The following XIRP2 variants were observed in gnomAD, a reference collection of about 807,000 sequenced individuals.
XIRP2 encodes xin actin-binding repeat-containing protein 2.
A neutral mutation model predicts 277.0 loss-of-function variants in XIRP2; 236 were observed. The observed-to-expected ratio is 0.85, with a 90% CI of 0.77 to 0.95. The LOEUF is 0.95. XIRP2 is among the 40% of genes least tolerant of loss of function. The pLI, the probability that XIRP2 is intolerant of heterozygous loss-of-function variation, is 0.00. For missense variants in XIRP2, 4,640 were observed against 4,157.5 expected, an observed-to-expected ratio of 1.12 and a Z score of -3.19; for synonymous variants, 1,490 against 1,416.5, an observed-to-expected ratio of 1.05 and a Z score of -1.17.
rs189408574 is a variant in XIRP2 at position 167,232,023 on chromosome 2, C to T, written c.859-7832C>T. On this transcript the variant is annotated intron_variant, in intron 5 of 10. Transcript: ENST00000409195. ...TGGAGATTTCTTGAGATACACTCTCCACCCCTGCCACCCATTGCCTCTTCA... is the reference window on the plus strand; with the variant it reads ...TGGAGATTTCTTGAGATACACTCTCTACCCCTGCCACCCATTGCCTCTTCA... 3.0e-3 allele frequency among the ~76,000 whole-genome samples: 454 copies of T among 152,056 alleles called. 2 individuals carry two copies. The highest frequency in any genetic ancestry group is 0.01 in the African/African-American group (421 of 41,520).
intron 2 of XIRP2, among the ~76,000 whole-genome samples, chr2:166,958,492 G>C (rs1047087194): frequency 1.3e-5 from 2 of 151,716 alleles, no homozygotes; most frequent in Non-Finnish European, 2.9e-5. Flanking sequence ...GGGGTTTGGA[G>C]CCCTAGTACC....
chr2:166,976,604 G>C (rs904820461), intron 2 of XIRP2, among the ~76,000 whole-genome samples: 4 of 152,000 alleles, frequency 2.6e-5, no homozygotes, highest in African/African-American at 4.8e-5. Context: ...CTTCACAAAC[G>C]TAAGAGCCTT....
chr2:166,949,996 A>G (rs1685985167), intron 2 of XIRP2, among the ~76,000 whole-genome samples: 1 of 152,064 alleles, frequency 6.6e-6, no homozygotes, highest in Admixed American at 6.6e-5. Context: ...AATGAGCAGA[A>G]ACTGAACAAC....
At chr2:167,021,611 G>T (rs1687984492) in intron 2 of XIRP2, among the ~76,000 whole-genome samples, 1 of 152,024 alleles carries the variant, frequency 6.6e-6, no homozygotes, top group Non-Finnish European at 1.5e-5. Flanking sequence ...CACTTTGGGA[G>T]GCTGAGGCAG....
intron 2 of XIRP2, among the ~76,000 whole-genome samples, chr2:166,973,075 C>T (rs186324366): frequency 1.8e-4 from 28 of 152,162 alleles, no homozygotes; most frequent in Admixed American, 1.8e-3. Context: ...TGGCTTGAAT[C>T]GTTGCTTCAT....
intron 3 of XIRP2, among the ~76,000 whole-genome samples, chr2:167,141,666 C>G (rs539746973): frequency 2.0e-4 from 31 of 152,038 alleles, no homozygotes; most frequent in African/African-American, 7.0e-4. Context: ...AGTTCAAGAC[C>G]AGCTTGGGCA....
intron 2 of XIRP2, among the ~76,000 whole-genome samples, chr2:166,914,737 G>GT (rs968264532): frequency 1.3e-5 from 2 of 152,094 alleles, no homozygotes; most frequent in African/African-American, 4.8e-5. Context: ...TTTAAACATT[G>GT]TTTAAAAATG....
intron 2 of XIRP2, among the ~76,000 whole-genome samples, chr2:166,938,729 T>G (rs1685596749): frequency 6.6e-6 from 1 of 152,220 alleles, no homozygotes; most frequent in Non-Finnish European, 1.5e-5. Context: ...TGTGGGAGTC[T>G]AAGTCTCTTT....
chr2:166,908,864 T>G (rs1304878166), intron 2 of XIRP2, among the ~76,000 whole-genome samples: 3 of 152,230 alleles, frequency 2.0e-5, no homozygotes, highest in African/African-American at 7.2e-5. Context: ...CACCATTTAT[T>G]AAATAGGGAA....
At chr2:167,090,258 T>C (rs1690101602) in intron 2 of XIRP2, among the ~76,000 whole-genome samples, 1 of 152,114 alleles carries the variant, frequency 6.6e-6, no homozygotes, top group Admixed American at 6.6e-5. Context: ...TGCAAAGATT[T>C]TAGGGTACTT....
At chr2:167,082,135 C>T (rs1188172568) in intron 2 of XIRP2, among the ~76,000 whole-genome samples, 3 of 149,674 alleles carry the variant, frequency 2.0e-5, no homozygotes, top group South Asian at 2.2e-4. Flanking sequence ...GTGATATTCC[C>T]CTTCCTGTGT....
At chr2:167,188,318 G>A (rs1436764053) in intron 3 of XIRP2, among the ~76,000 whole-genome samples, 3 of 152,174 alleles carry the variant, frequency 2.0e-5, no homozygotes, top group Non-Finnish European at 4.4e-5. Context: ...TGGAAGAGAC[G>A]TGATAACAGA....
At chr2:167,136,356 A>C (rs766783884) in intron 3 of XIRP2, among the ~76,000 whole-genome samples, 1 of 152,156 alleles carries the variant, frequency 6.6e-6, no homozygotes, top group East Asian at 1.9e-4. Context: ...CCATAATCTG[A>C]CTTTAACTTT....
chr2:167,193,879 C>CAAAAAAAAAA (rs767047580), intron 3 of XIRP2, among the ~76,000 whole-genome samples: 1 of 71,798 alleles, frequency 1.4e-5, no homozygotes, highest in East Asian at 4.2e-4. Context: ...GACTCTGTCT[C>CAAAAAAAAAA]AAAAAAAAAA....
At chr2:167,014,799 A>G (rs932881548) in intron 2 of XIRP2, among the ~76,000 whole-genome samples, 13 of 151,774 alleles carry the variant, frequency 8.6e-5, no homozygotes, top group African/African-American at 3.1e-4. Context: ...GTTAAGTTCT[A>G]TTTTACAGTT....
intron 3 of XIRP2, among the ~76,000 whole-genome samples, chr2:167,153,649 A>G (rs1300292360): frequency 2.0e-5 from 3 of 151,834 alleles, no homozygotes; most frequent in African/African-American, 7.3e-5. Flanking sequence ...ATGAGTGAGA[A>G]TGTACGGTGT....
intron 2 of XIRP2, among the ~76,000 whole-genome samples, chr2:166,994,379 A>ATGG: frequency 8.3e-6 from 1 of 120,572 alleles, no homozygotes; most frequent in East Asian, 3.5e-4. Flanking sequence ...CTAATGCTAG[A>ATGG]TGACACGTTA....
chr2:166,953,199 C>A (rs1156386911), intron 2 of XIRP2, among the ~76,000 whole-genome samples: 2 of 151,846 alleles, frequency 1.3e-5, no homozygotes, highest in African/African-American at 4.8e-5. Flanking sequence ...TTGTAGAGCC[C>A]AGGATACCAC....
At chr2:166,945,902 C>G (rs1574104040) in intron 2 of XIRP2, among the ~76,000 whole-genome samples, 1 of 151,778 alleles carries the variant, frequency 6.6e-6, no homozygotes, top group African/African-American at 2.4e-5. Context: ...AGGCTGGTCT[C>G]GAACTCCTGT....
Sources: allele counts gnomAD v4.1 joint callset (sites outside exome capture counted in the v4.1 genomes callset), GRCh38; gene constraint gnomAD v4.1.1; transcripts MANE v1.5; gene names NCBI Gene and HGNC (gene_info 2026-07-23, HGNC 2026-07-21).